NOXRED1: variants seen among roughly 807,000 people sequenced by gnomAD.
The protein encoded by NOXRED1 is NADP dependent oxidoreductase domain containing 1, also known as NADP-dependent oxidoreductase domain-containing protein 1.
Under a neutral mutation model 30.4 loss-of-function variants are expected in NOXRED1, and 20 were observed. The observed-to-expected ratio is 0.66, with a 90% CI of 0.46 to 0.96. NOXRED1 has a LOEUF of 0.96. Ranked by LOEUF, NOXRED1 falls within the 40% of genes least tolerant of loss-of-function variation. The pLI is 0.00. For synonymous variants in NOXRED1, 155 were observed against 168.0 expected, an observed-to-expected ratio of 0.92 and a Z score of 0.60; for missense variants, 374 against 428.0, an observed-to-expected ratio of 0.87 and a Z score of 1.11.
At chr14:77,415,289 G>T (rs1189360712) in intron 1 of NOXRED1, among the ~76,000 whole-genome samples, 1 of 151,980 alleles carries the variant, frequency 6.6e-6, no homozygotes, top group Non-Finnish European at 1.5e-5. Flanking sequence ...GCACATTGTG[G>T]CTAGGCATGG....
rs542739899 is a variant in NOXRED1, at chr14:77,406,038, C to A, written c.780G>T (p.Gln260His). 28 of 1,613,790 alleles carry A rather than the reference C, an allele frequency of 1.7e-5. No individual in the cohort carries two copies. In the Admixed American group the frequency reaches 4.5e-4, roughly 26 times the overall value. The change falls in exon 5 of 6, where the codon CAG (glutamine) becomes CAT (histidine). Residue 260 changes from glutamine (Q) to histidine (H), a missense_variant. Physicochemically the swap from Gln to His is conservative, Grantham distance 24 (BLOSUM62 0). Coordinates refer to ENST00000380835, the MANE Select transcript of NOXRED1 (RefSeq NM_001113475.3). ...ARNMAHSQVL[Q>H]LLSELFLSVH... is the part of the protein sequence containing the mutation. ...CGGAGAGAAAGAGTTCACTCAGAAG[C>A]TGCAGCACTTGGGAGTGGGCCATGT...
chr14:77,424,940 A>C (rs981425436), upstream of NOXRED1, among the ~76,000 whole-genome samples: 7 of 152,194 alleles, frequency 4.6e-5, no homozygotes, highest in Non-Finnish European at 7.3e-5. Context: ...TTATCTGCTG[A>C]GTACCTTGTT....
In NOXRED1 at chr14:77,414,043, G is replaced by A. The variant is rs1210616074; in HGVS notation, c.240C>T (p.Gly80=). The A allele has an allele frequency of 1.9e-6, 3 of 1,612,108 alleles. No homozygotes were observed. Among genetic ancestry groups the A allele is most frequent in the Admixed American group, 3.3e-5 (2 of 59,906 alleles). Residue 80 remains glycine (G), a synonymous_variant, in exon 2 of 6, where the codon GGC becomes GGT. Coordinates refer to ENST00000380835, the MANE Select transcript of NOXRED1 (RefSeq NM_001113475.3). ...NSATPEEFKV[G]IIGGGHLGKQ... is the part of the protein sequence containing the mutation. ...TCCCAAGGTGGCCACCTCCAATGAT[G>A]CCCACCTTAAACTCTTCAGGAGTGG...
In NOXRED1 at chr14:77,396,778, T is replaced by C. The variant is rs78067897; in HGVS notation, c.906-1973A>G. Among the ~76,000 whole-genome samples the C allele has an allele frequency of 8.8e-3, 1,336 of 152,268 alleles. 19 individuals are homozygous for C. The highest frequency in any genetic ancestry group is 0.037 in the South Asian group (179 of 4,822). ...CATAATAAAAACTATAAAATGCTGA[T>C]GAAAGCAAAGAATATCTAGAGAAAC... is the stretch of plus-strand genomic sequence containing the variant. On this transcript the variant is annotated intron_variant, in intron 5 of 5. Transcript: ENST00000380835.
intron 5 of NOXRED1, among the ~76,000 whole-genome samples, chr14:77,399,375 G>A (rs553450567): frequency 6.6e-6 from 1 of 152,200 alleles, no homozygotes; most frequent in African/African-American, 2.4e-5. Context: ...ACTTGAGCTC[G>A]GGAGATTGTA....
intron 1 of NOXRED1, among the ~76,000 whole-genome samples, chr14:77,416,628 C>T (rs1056157250): frequency 2.0e-5 from 3 of 152,252 alleles, no homozygotes; most frequent in Non-Finnish European, 2.9e-5. Flanking sequence ...GGCAACCATC[C>T]GATTTCTCAA....
chr14:77,409,266 T>G (rs183254480), intron 2 of NOXRED1, among the ~76,000 whole-genome samples: 1 of 152,260 alleles, frequency 6.6e-6, no homozygotes, highest in East Asian at 1.9e-4. Context: ...CCCCACGTGT[T>G]GAGGGAGGGA....
At chr14:77,412,506 AT>A (rs1388498220) in intron 2 of NOXRED1, among the ~76,000 whole-genome samples, 3 of 152,034 alleles carry the variant, frequency 2.0e-5, no homozygotes, top group African/African-American at 7.2e-5. Flanking sequence ...GCTTAACATC[AT>A]TATTTCTTAT....
rs1040421179 is a variant in NOXRED1 at position 77,409,648 on chromosome 14, T to C, written c.350-2003A>G. On this transcript the variant is annotated intron_variant, in intron 2 of 5. Transcript: ENST00000380835. Reference sequence around the variant, plus strand: ...TTCTTTTCATGTGCATAGAAGCTGATGTTGAGCATTTTGAATTATTGTTTC... The same window carrying C: ...TTCTTTTCATGTGCATAGAAGCTGACGTTGAGCATTTTGAATTATTGTTTC... Among the ~76,000 whole-genome samples the C allele has an allele frequency of 9.0e-4, 137 of 152,348 alleles. 2 individuals are homozygous for C. Among genetic ancestry groups the C allele is most frequent in the African/African-American group, 3.0e-3 (126 of 41,598 alleles).
At chr14:77,407,764 C>T in intron 2 of NOXRED1, 119 bp from the exon 3 acceptor site, 1 of 683,784 alleles carries the variant, frequency 1.5e-6, no homozygotes, top group South Asian at 1.9e-5. Context: ...CTTATTGCTC[C>T]ATAAATCAGA....
chr14:77,425,425 T>C (rs145474406), upstream of NOXRED1, among the ~76,000 whole-genome samples: 245 of 152,360 alleles, frequency 1.6e-3, no homozygotes, highest in African/African-American at 5.1e-3. Context: ...GCCTAGTGGT[T>C]CTGCTTCTCT....
rs933393938 is a variant in NOXRED1 at position 77,422,975 on chromosome 14, G to A, written c.-86C>T. On this transcript the variant is annotated 5_prime_UTR_variant, in exon 1 of 6. Transcript: ENST00000380835. ...GAAGAGGGGTCTATGTAGGAGGTGT[G>A]TGTATGATGGTGTGTGTGCCCAGGT... 27 of 1,082,056 alleles carry A rather than the reference G, an allele frequency of 2.5e-5. No individual in the cohort carries two copies. In the Admixed American group the frequency reaches 5.7e-4, roughly 23 times the overall value. 67.0% of individuals were successfully genotyped at this position (1,082,056 alleles called of 1,614,324 possible).
intron 3 of NOXRED1, 99 bp from the exon 4 acceptor site, chr14:77,406,974 C>A (rs574102061): frequency 9.6e-7 from 1 of 1,042,352 alleles, no homozygotes; most frequent in East Asian, 2.6e-5. Flanking sequence ...CAGACTCCCC[C>A]ACACAGCTCA....
rs1894122406 is a variant in NOXRED1 at position 77,394,186 on chromosome 14, A to C, written c.*445T>G. On this transcript the variant is annotated 3_prime_UTR_variant, in exon 6 of 6. Transcript: ENST00000380835. ...TAATTCAATTAAGATGGTTTACCAT[A>C]CCTTCACTTCTCTGTCCAAAATTGT... 6.5e-6 allele frequency: 1 copy of C among 153,198 alleles called. No individual in the cohort carries two copies. Among genetic ancestry groups the C allele is most frequent in the South Asian group, 2.1e-4 (1 of 4,874 alleles). 9.5% of individuals were successfully genotyped at this position (153,198 alleles called of 1,614,324 possible). A position where few individuals can be genotyped will look rare whatever the true frequency, so the allele number is the denominator to read the frequency against.
At chr14:77,421,391 G>A (rs567533973) in intron 1 of NOXRED1, among the ~76,000 whole-genome samples, 3 of 152,268 alleles carry the variant, frequency 2.0e-5, no homozygotes, top group African/African-American at 7.2e-5. Context: ...ATACCAATCT[G>A]AGACAGATGT....
At chr14:77,417,082 CA>C (rs1894848587) in intron 1 of NOXRED1, among the ~76,000 whole-genome samples, 1 of 150,596 alleles carries the variant, frequency 6.6e-6, no homozygotes, top group Non-Finnish European at 1.5e-5. Flanking sequence ...TTGACTTCCA[CA>C]TATTTGTGAA....
upstream of NOXRED1, among the ~76,000 whole-genome samples, chr14:77,423,875 G>A (rs937634697): frequency 6.6e-6 from 1 of 152,154 alleles, no homozygotes; most frequent in African/African-American, 2.4e-5. Flanking sequence ...CCATTTTAAA[G>A]TGAACAATTC....
intron 2 of NOXRED1, among the ~76,000 whole-genome samples, chr14:77,408,546 AT>A (rs1183089640): frequency 6.6e-6 from 1 of 152,030 alleles, no homozygotes; most frequent in Non-Finnish European, 1.5e-5. Flanking sequence ...TTTTACTCCA[AT>A]GTACTGCAGG....
intron 1 of NOXRED1, among the ~76,000 whole-genome samples, chr14:77,419,070 C>CT (rs547826435): frequency 0.21 from 28,693 of 139,126 alleles, 3,307 homozygotes; most frequent in East Asian, 0.39. Flanking sequence ...CTTTCTTTCT[C>CT]TTTTTTTTTT....
Sources: allele counts gnomAD v4.1 joint callset (sites outside exome capture counted in the v4.1 genomes callset), GRCh38; gene constraint gnomAD v4.1.1; transcripts MANE v1.5; gene names NCBI Gene and HGNC (gene_info 2026-07-23, HGNC 2026-07-21).